CSMD2: variants seen among roughly 807,000 people sequenced by gnomAD.
CSMD2 encodes CUB and Sushi multiple domains 2, also known as CUB and sushi domain-containing protein 2.
Under a neutral mutation model 398.5 loss-of-function variants are expected in CSMD2, and 130 were observed. The ratio of observed to expected loss-of-function variants is 0.33; its 90% CI spans 0.28 to 0.38. The LOEUF (loss-of-function observed/expected upper bound fraction) is 0.38. Ranked by LOEUF, CSMD2 falls within the 10% of genes least tolerant of loss-of-function variation. CSMD2 has a pLI of 1.00. For synonymous variants in CSMD2, 1,828 were observed against 1,908.5 expected (o/e 0.96, Z 1.10); for missense variants, 3,829 against 4,764.9 (o/e 0.80, Z 5.78).
intron 3 of CSMD2, among the ~76,000 whole-genome samples, chr1:34,020,834 G>A (rs1648779110): frequency 6.6e-6 from 1 of 152,118 alleles, no homozygotes. Flanking sequence ...CATGTCGAAG[G>A]TGCTCGACAA....
At chr1:33,617,987 TACCCTAAGAAG>T (rs1641503425) in intron 37 of CSMD2, among the ~76,000 whole-genome samples, 1 of 147,726 alleles carries the variant, frequency 6.8e-6, no homozygotes, top group Non-Finnish European at 1.5e-5. Context: ...CTGTCTTCCT[TACCCTAAGAAG>T]ACAGATCCTG....
intron 5 of CSMD2, among the ~76,000 whole-genome samples, chr1:33,907,409 G>A (rs1391303117): frequency 1.3e-5 from 2 of 152,028 alleles, no homozygotes; most frequent in Non-Finnish European, 2.9e-5. Context: ...TTACAGGTGA[G>A]AGCCACCACA....
intron 2 of CSMD2, among the ~76,000 whole-genome samples, chr1:34,054,694 C>T (rs1412614428): frequency 6.6e-6 from 1 of 152,098 alleles, no homozygotes; most frequent in African/African-American, 2.4e-5. Flanking sequence ...GAGCCGAGAT[C>T]GCGCCACTGC....
At chr1:34,160,055 C>T (rs930753288) in intron 1 of CSMD2, among the ~76,000 whole-genome samples, 3 of 152,104 alleles carry the variant, frequency 2.0e-5, no homozygotes, top group Non-Finnish European at 1.5e-5. Flanking sequence ...ATCCTGCTGG[C>T]GTGATGATGA....
In CSMD2 at chr1:33,663,056, G is replaced by A. The variant is rs1188178680; in HGVS notation, c.4089C>T (p.His1363=). The A allele has an allele frequency of 3.1e-6, 5 of 1,614,072 alleles. No homozygotes were observed. In the South Asian group the frequency reaches 3.3e-5, roughly 11 times the overall value. The part of the protein sequence containing the change: ...HFLVFDTEEV[H]DVLRIWDGPV... The stretch of plus-strand genomic sequence containing the variant: ...GCCCATCCCAGATGCGCAGCACGTC[G>A]TGAACCTCCTCTGTGTCAAACACCA... Residue 1363 remains histidine (H), a synonymous_variant, in exon 26 of 71, where the codon CAC becomes CAT. Coordinates refer to ENST00000373381, the MANE Select transcript of CSMD2 (RefSeq NM_001281956.2).
intron 25 of CSMD2, among the ~76,000 whole-genome samples, chr1:33,679,283 T>C (rs1444067433): frequency 1.4e-5 from 2 of 141,660 alleles, no homozygotes; most frequent in African/African-American, 2.6e-5. Flanking sequence ...CTCACTGCAA[T>C]CTCCGCCCCC....
At chr1:33,652,485 T>G (rs780600929) in intron 27 of CSMD2, 24 bp from the exon 28 acceptor site, 1 of 1,610,964 alleles carries the variant, frequency 6.2e-7, no homozygotes, top group Admixed American at 1.7e-5. Flanking sequence ...AAGACGAGGG[T>G]GAGGCTGCCT....
intron 3 of CSMD2, among the ~76,000 whole-genome samples, chr1:33,963,180 G>A (rs939733442): frequency 1.3e-5 from 2 of 152,112 alleles, no homozygotes; most frequent in East Asian, 1.9e-4. Flanking sequence ...GCCCCTTATG[G>A]GGCCCCTCAC....
intron 29 of CSMD2, among the ~76,000 whole-genome samples, chr1:33,642,044 G>T (rs1643136477): frequency 6.6e-6 from 1 of 152,090 alleles, no homozygotes; most frequent in Non-Finnish European, 1.5e-5. Context: ...ATCTAAACTG[G>T]GAAGTGATTC....
intron 13 of CSMD2, among the ~76,000 whole-genome samples, chr1:33,746,986 C>T (rs760025605): frequency 6.6e-6 from 1 of 152,008 alleles, no homozygotes; most frequent in Non-Finnish European, 1.5e-5. Flanking sequence ...CAGATGTGTC[C>T]CTAGATAATT....
At chr1:33,700,778 C>A in intron 22 of CSMD2, 105 bp from the exon 23 acceptor site, 1 of 1,101,942 alleles carries the variant, frequency 9.1e-7, no homozygotes, top group East Asian at 2.4e-5. Context: ...GCACTGGTAA[C>A]AACTATCAGA....
intron 22 of CSMD2, among the ~76,000 whole-genome samples, chr1:33,706,104 G>T (rs189090209): frequency 8.6e-4 from 131 of 152,264 alleles, no homozygotes; most frequent in Middle Eastern, 3.4e-3. Context: ...TAAGTTAGGT[G>T]ATATGTCACA....
At chr1:33,933,086 T>C (rs1305117709) in intron 4 of CSMD2, among the ~76,000 whole-genome samples, 1 of 152,232 alleles carries the variant, frequency 6.6e-6, no homozygotes, top group Admixed American at 6.5e-5. Flanking sequence ...TCATTTGCAT[T>C]GCTAAGATGT....
At chr1:33,798,251 C>T (rs896738219) in intron 10 of CSMD2, among the ~76,000 whole-genome samples, 35 of 152,360 alleles carry the variant, frequency 2.3e-4, no homozygotes, top group African/African-American at 7.7e-4. Flanking sequence ...CATTTGTATA[C>T]AGCTCAGACA....
chr1:33,931,588 G>A (rs1290080673), intron 4 of CSMD2, among the ~76,000 whole-genome samples: 1 of 152,160 alleles, frequency 6.6e-6, no homozygotes, highest in African/African-American at 2.4e-5. Flanking sequence ...CAGGCAGCAG[G>A]GGGCTGGAAG....
At chr1:33,828,592 C>T (rs556281808) in intron 6 of CSMD2, among the ~76,000 whole-genome samples, 2 of 152,270 alleles carry the variant, frequency 1.3e-5, no homozygotes, top group East Asian at 1.9e-4. Context: ...GGCAAAGCTG[C>T]TTGGATTTTC....
intron 13 of CSMD2, 120 bp from the exon 14 acceptor site, chr1:33,743,726 A>C: frequency 1.3e-6 from 1 of 750,844 alleles, no homozygotes; most frequent in Non-Finnish European, 2.1e-6. Context: ...GAGTGGCACA[A>C]GGGTTGGGCT....
At chr1:33,843,256 G>T (rs146770233) in intron 6 of CSMD2, among the ~76,000 whole-genome samples, 84 of 152,288 alleles carry the variant, frequency 5.5e-4, no homozygotes, top group African/African-American at 1.9e-3. Context: ...CTGATAACCA[G>T]TCCGAAGCAG....
At chr1:33,525,139 G>T in intron 65 of CSMD2, 96 bp from the exon 66 acceptor site, 1 of 1,305,926 alleles carries the variant, frequency 7.7e-7, no homozygotes, top group South Asian at 1.3e-5. Context: ...CACTGGGATT[G>T]TTTCCTTTCC....
Sources: allele counts gnomAD v4.1 joint callset (sites outside exome capture counted in the v4.1 genomes callset), GRCh38; gene constraint gnomAD v4.1.1; transcripts MANE v1.5; gene names NCBI Gene and HGNC (gene_info 2026-07-23, HGNC 2026-07-21).